The following SMC1A variants were observed in gnomAD, a reference collection of about 807,000 sequenced individuals.
The protein encoded by SMC1A is structural maintenance of chromosomes 1A.
A neutral mutation model predicts 94.5 loss-of-function variants in SMC1A; 4 were observed. The ratio of observed to expected loss-of-function variants is 0.04; its 90% CI spans 0.02 to 0.10. SMC1A has a LOEUF of 0.10. SMC1A is among the 10% of genes least tolerant of loss of function. The pLI is 1.00. For missense variants in SMC1A, 304 were observed against 989.0 expected, an observed-to-expected ratio of 0.31 and a Z score of 9.29; for synonymous variants, 345 against 347.7, an observed-to-expected ratio of 0.99 and a Z score of 0.09.
intron 19 of SMC1A, among the ~76,000 whole-genome samples, chrX:53,391,506 T>C (rs1249917602): frequency 1.8e-5 from 2 of 109,772 alleles, no homozygotes; most frequent in Non-Finnish European, 3.8e-5. Context: ...CTCCAACAGA[T>C]TGAAACATAA....
chrX:53,410,524 G>T (rs1353226844), intron 7 of SMC1A, among the ~76,000 whole-genome samples: 3 of 109,405 alleles, frequency 2.7e-5, no homozygotes, highest in African/African-American at 6.7e-5. Flanking sequence ...ACCGGGCTGG[G>T]TGCGTTGGCT....
intron 22 of SMC1A, chrX:53,381,901 A>C: frequency 3.0e-6 from 1 of 332,462 alleles, no homozygotes; most frequent in Non-Finnish European, 5.4e-6. Flanking sequence ...GGGGAGGAGA[A>C]TGAGGAAGGG....
intron 1 of SMC1A, among the ~76,000 whole-genome samples, chrX:53,419,753 G>A (rs2075747246): frequency 9.3e-6 from 1 of 107,355 alleles, no homozygotes; most frequent in Non-Finnish European, 1.9e-5. Flanking sequence ...GAACCCGGGA[G>A]GCAGAGGTTG....
At position 53,405,257 on chromosome X, in the gene SMC1A, T is replaced by C. The variant is rs1388761806; in HGVS notation, c.2046A>G (p.Thr682=). 1 of 1,212,110 alleles carries C rather than the reference T, an allele frequency of 8.3e-7. No homozygotes were observed. The highest frequency in any genetic ancestry group is 1.1e-6 in the Non-Finnish European group (1 of 895,604). ...GCCTGTGGCTTACTTTCAGCTCCTC[T>C]GTCAAGCGCTCCTTCTTCTCTTTCA... ...DKLKEKKERL[T]EELKEQMKAK... is the part of the protein sequence containing the mutation. Residue 682 remains threonine (T), a synonymous_variant, in exon 12 of 25, where the codon ACA becomes ACG. Coordinates refer to ENST00000322213, the MANE Select transcript of SMC1A (RefSeq NM_006306.4).
chrX:53,381,130 G>C lies in SMC1A; in HGVS notation c.3438-43C>G, dbSNP rs377117813. 1.1e-4 allele frequency: 91 copies of C among 806,975 alleles called. 2 individuals carry two copies. The highest frequency in any genetic ancestry group is 7.6e-4 in the East Asian group (24 of 31,690). 66.5% of individuals were successfully genotyped at this position (806,975 alleles called of 1,213,427 possible). Reference sequence around the variant, plus strand: ...GGTGAGCTGACACTGAGGCGGGGAGGGGGTGGCAAGGCGGGGTGGGACAGC... The same window carrying C: ...GGTGAGCTGACACTGAGGCGGGGAGCGGGTGGCAAGGCGGGGTGGGACAGC... On this transcript the variant is annotated intron_variant, in intron 22 of 24. Transcript: ENST00000322213.
At position 53,378,291 on chromosome X, in the gene SMC1A, A is replaced by C. The variant is rs1556885458; in HGVS notation, c.*1812T>G. ...CTCCTGTGTAGTATTTTGTAATAGC[A>C]AAACCTAAAAACAGTCTTAATGTCC... is the stretch of plus-strand genomic sequence containing the variant. On this transcript the variant is annotated 3_prime_UTR_variant, in exon 25 of 25. Coordinates refer to ENST00000322213, the MANE Select transcript of SMC1A (RefSeq NM_006306.4). The C allele has an allele frequency of 8.9e-6, 1 of 112,488 alleles. No individual in the cohort carries two copies. The highest frequency in any genetic ancestry group is 1.9e-5 in the Non-Finnish European group (1 of 53,335). The allele number at this position is 112,488 out of a possible 1,213,427, so 9.3% of individuals were successfully genotyped here. A position where few individuals can be genotyped will look rare whatever the true frequency, so the allele number is the denominator to read the frequency against.
intron 15 of SMC1A, among the ~76,000 whole-genome samples, chrX:53,401,680 A>ACT (rs1556888913): frequency 9.1e-6 from 1 of 110,214 alleles, no homozygotes; most frequent in East Asian, 2.8e-4. Context: ...CTATGGCAAG[A>ACT]CTCTCTCAGG....
intron 1 of SMC1A, chrX:53,422,143 G>C: frequency 1.0e-6 from 1 of 962,102 alleles, no homozygotes; most frequent in South Asian, 2.4e-5. Context: ...GCCGGCTCCG[G>C]CCGGTCCGGC....
chrX:53,413,458 T>C (rs978198291), intron 3 of SMC1A, 23 bp from the exon 4 acceptor site: 1 of 1,185,442 alleles, frequency 8.4e-7, no homozygotes, highest in Admixed American at 2.2e-5. Context: ...GAAACACTCT[T>C]CCACTTCAGA....
intron 1 of SMC1A, among the ~76,000 whole-genome samples, chrX:53,415,843 GAAAA>G (rs201092400): frequency 3.9e-5 from 2 of 50,905 alleles, no homozygotes; most frequent in African/African-American, 6.6e-5. Flanking sequence ...AAAAAATAGT[GAAAA>G]AAAAAAAAAA....
At chrX:53,399,791 A>G in intron 15 of SMC1A, 61 bp from the exon 16 acceptor site, 1 of 1,084,169 alleles carries the variant, frequency 9.2e-7, no homozygotes, top group Non-Finnish European at 1.3e-6. Flanking sequence ...TAACCAATGT[A>G]CAAAATCCAA....
At chrX:53,393,536 T>C (rs1556887570) in intron 19 of SMC1A, among the ~76,000 whole-genome samples, 5 of 111,732 alleles carry the variant, frequency 4.5e-5, no homozygotes, top group East Asian at 2.8e-4. Context: ...TATAATATTA[T>C]GGTTGTTTTT....
intron 7 of SMC1A, among the ~76,000 whole-genome samples, chrX:53,410,945 A>AAAAAAAAAAAAAAAAAAAAAAAC (rs2075709898): frequency 1.0e-5 from 1 of 96,433 alleles, no homozygotes; most frequent in Admixed American, 1.2e-4. Context: ...AAAAAAAAAA[A>AAAAAAAAAAAAAAAAAAAAAAAC]GTAGCCAGGC....
chrX:53,421,802 TAAAC>T, intron 1 of SMC1A: 1 of 972,233 alleles, frequency 1.0e-6, no homozygotes, highest in African/African-American at 2.0e-5. Flanking sequence ...TAACTCCTGA[TAAAC>T]AATAAGCATT....
chrX:53,384,298 C>T (rs2075596448), intron 19 of SMC1A, among the ~76,000 whole-genome samples: 1 of 104,861 alleles, frequency 9.5e-6, no homozygotes, highest in South Asian at 4.4e-4. Context: ...GAGTCTCGCT[C>T]TATTACCCAA....
In SMC1A at chrX:53,412,267, G is replaced by A. The variant is rs900972156; in HGVS notation, c.855-14C>T. 20 of 1,207,991 alleles carry A rather than the reference G, an allele frequency of 1.7e-5. No homozygotes were observed. The highest frequency in any genetic ancestry group is 2.1e-5 in the Non-Finnish European group (19 of 893,859). On this transcript the variant is annotated splice_polypyrimidine_tract_variant and intron_variant, in intron 5 of 24. Transcript: ENST00000322213. ...GAGTCCTTCTCCCTTTTGCCAGAGG[G>A]GTGGGGGAAACCAGTGAGAACTATG...
At chrX:53,387,724 A>C (rs1163836742) in intron 19 of SMC1A, among the ~76,000 whole-genome samples, 1 of 111,698 alleles carries the variant, frequency 9.0e-6, no homozygotes, top group Non-Finnish European at 1.9e-5. Flanking sequence ...GAGATATCAA[A>C]GACTACCAGG....
intron 1 of SMC1A, among the ~76,000 whole-genome samples, chrX:53,418,872 G>A (rs782757222): frequency 1.8e-5 from 2 of 109,210 alleles, no homozygotes; most frequent in South Asian, 3.9e-4. Flanking sequence ...GTGAAACCCC[G>A]TCCCTACTAA....
In SMC1A at chrX:53,376,968, G is replaced by A. The variant is rs2075561926; in HGVS notation, c.*3135C>T. On this transcript the variant is annotated 3_prime_UTR_variant, in exon 25 of 25. Coordinates refer to ENST00000322213, the MANE Select transcript of SMC1A (RefSeq NM_006306.4). ...GTACTCTTCAACTCCCTACAGCAAG[G>A]CTACTGCGTCCACAGTATAAGGGAG... 1 of 111,766 alleles carries A rather than the reference G, an allele frequency of 8.9e-6. No homozygotes were observed. The highest frequency in any genetic ancestry group is 1.9e-5 in the Non-Finnish European group (1 of 53,134). The allele number at this position is 111,766 out of a possible 1,213,427, so 9.2% of individuals were successfully genotyped here.
Sources: allele counts gnomAD v4.1 joint callset (sites outside exome capture counted in the v4.1 genomes callset), GRCh38; gene constraint gnomAD v4.1.1; transcripts MANE v1.5; gene names NCBI Gene and HGNC (gene_info 2026-07-23, HGNC 2026-07-21).